HOGA1: variants seen among roughly 807,000 people sequenced by gnomAD.
HOGA1 encodes 4-hydroxy-2-oxoglutarate aldolase, mitochondrial.
HOGA1 carries 30 observed loss-of-function variants against 34.3 expected under a neutral mutation model. The observed-to-expected ratio is 0.87, with a 90% CI of 0.65 to 1.19. The LOEUF (loss-of-function observed/expected upper bound fraction) is 1.19. HOGA1 is among the 50% of genes most tolerant of loss of function. The probability of loss-of-function intolerance (pLI) is 0.00; values close to 1 mark genes in which losing one functional copy is unlikely to be tolerated. For synonymous variants in HOGA1, 161 were observed against 174.0 expected, an observed-to-expected ratio of 0.93 and a Z score of 0.59; for missense variants, 417 against 436.5, an observed-to-expected ratio of 0.96 and a Z score of 0.40.
intron 6 of HOGA1, among the ~76,000 whole-genome samples, chr10:97,611,204 G>A (rs1179981541): frequency 6.6e-6 from 1 of 152,206 alleles, no homozygotes; most frequent in Non-Finnish European, 1.5e-5. Context: ...CAGCCTTGCT[G>A]TCTTCTCCCA....
intron 5 of HOGA1, 136 bp from the exon 6 acceptor site, chr10:97,601,721 T>C: frequency 1.0e-6 from 1 of 976,516 alleles, no homozygotes; most frequent in Non-Finnish European, 1.6e-6. Flanking sequence ...TCACAGAGCA[T>C]GCCTTTGATG....
At chr10:97,605,387 G>T (rs1381790024) in intron 6 of HOGA1, among the ~76,000 whole-genome samples, 3 of 151,096 alleles carry the variant, frequency 2.0e-5, no homozygotes, top group Non-Finnish European at 4.4e-5. Flanking sequence ...CTCCAGCCTG[G>T]GCTACAGAGT....
chr10:97,590,091 G>A, intron 1 of HOGA1: 1 of 1,614,084 alleles, frequency 6.2e-7, no homozygotes, highest in Non-Finnish European at 8.5e-7. Context: ...ACTGAGAGTG[G>A]GAGTGAAGAG....
intron 6 of HOGA1, among the ~76,000 whole-genome samples, chr10:97,604,759 A>G (rs2041144557): frequency 6.6e-6 from 1 of 152,138 alleles, no homozygotes; most frequent in Non-Finnish European, 1.5e-5. Flanking sequence ...AGGCGGGCAG[A>G]TCACCTGAGG....
chr10:97,606,812 C>T (rs541409029), intron 6 of HOGA1, among the ~76,000 whole-genome samples: 2 of 152,244 alleles, frequency 1.3e-5, no homozygotes, highest in East Asian at 1.9e-4. Flanking sequence ...ATCGAAATTG[C>T]GTTAAGCCTG....
intron 1 of HOGA1, among the ~76,000 whole-genome samples, chr10:97,596,328 C>T (rs2041071176): frequency 6.6e-6 from 1 of 152,186 alleles, no homozygotes; most frequent in South Asian, 2.1e-4. Flanking sequence ...TGGAACTGAC[C>T]AGCAGGATGA....
intron 1 of HOGA1, among the ~76,000 whole-genome samples, chr10:97,587,749 G>C (rs544075721): frequency 2.9e-4 from 44 of 152,170 alleles, no homozygotes; most frequent in South Asian, 1.9e-3. Flanking sequence ...CTCACGGTCC[G>C]CCGGCCTCGG....
At chr10:97,585,015 A>G in intron 1 of HOGA1, 101 bp downstream of exon 1, 1 of 940,896 alleles carries the variant, frequency 1.1e-6, no homozygotes, top group South Asian at 1.4e-5. Context: ...GTCCAGGGAT[A>G]GTCTGGTACT....
intron 1 of HOGA1, among the ~76,000 whole-genome samples, chr10:97,597,617 T>C (rs969906301): frequency 6.6e-6 from 1 of 152,156 alleles, no homozygotes; most frequent in Non-Finnish European, 1.5e-5. Context: ...ATTTGGCATG[T>C]ATGACATTCT....
chr10:97,588,405 T>C (rs1257172858), intron 1 of HOGA1, among the ~76,000 whole-genome samples: 3 of 152,078 alleles, frequency 2.0e-5, no homozygotes, highest in Non-Finnish European at 1.5e-5. Context: ...GAGATGGGGT[T>C]TCACCGTGTT....
chr10:97,585,993 T>C (rs1400134104), intron 1 of HOGA1, among the ~76,000 whole-genome samples: 2 of 151,942 alleles, frequency 1.3e-5, no homozygotes, highest in Non-Finnish European at 2.9e-5. Context: ...AAAAATTAGC[T>C]GGGCGTGGTG....
rs1349060190 is a variant in HOGA1 at position 97,612,628 on chromosome 10, A to C, written c.*969A>C. 1 of 152,218 alleles carries C rather than the reference A, an allele frequency of 6.6e-6. No homozygotes were observed. Among genetic ancestry groups the C allele is most frequent in the Non-Finnish European group, 1.5e-5 (1 of 68,050 alleles). 9.4% of individuals were successfully genotyped at this position (152,218 alleles called of 1,614,324 possible). A position where few individuals can be genotyped will look rare whatever the true frequency, so the allele number is the denominator to read the frequency against. On this transcript the variant is annotated 3_prime_UTR_variant, in exon 7 of 7. Transcript: ENST00000370646. ...AGCCCAGTGGCTTGTCAGATTGGTA[A>C]ATAATGACACCTGGTGGATAAATGT...
chr10:97,589,201 T>A (rs1436554787), intron 1 of HOGA1, among the ~76,000 whole-genome samples: 1 of 152,030 alleles, frequency 6.6e-6, no homozygotes, highest in Admixed American at 6.6e-5. Context: ...CAGAATGAGC[T>A]CCTTCCTGGG....
chr10:97,610,757 G>A (rs2135729246), intron 6 of HOGA1, among the ~76,000 whole-genome samples: 1 of 151,886 alleles, frequency 6.6e-6, no homozygotes, highest in South Asian at 2.1e-4. Flanking sequence ...CTGAGATCAG[G>A]ACACTGCACT....
intron 4 of HOGA1, 44 bp from the exon 5 acceptor site, chr10:97,600,023 A>T (rs199604936): frequency 4.4e-4 from 694 of 1,586,658 alleles, no homozygotes; most frequent in Non-Finnish European, 5.6e-4. Context: ...CTCATCCAGG[A>T]TGAGGCTCTG....
chr10:97,606,295 T>C (rs2041157894), intron 6 of HOGA1, among the ~76,000 whole-genome samples: 1 of 151,106 alleles, frequency 6.6e-6, no homozygotes, highest in Non-Finnish European at 1.5e-5. Context: ...TGAGACTCCA[T>C]CTCAGGGAAA....
At chr10:97,606,929 A>G (rs919494947) in intron 6 of HOGA1, among the ~76,000 whole-genome samples, 13 of 152,024 alleles carry the variant, frequency 8.6e-5, no homozygotes, top group Admixed American at 8.5e-4. Flanking sequence ...TTTCTTCAGC[A>G]TTTTGTAGTT....
At chr10:97,589,397 C>T (rs2040999126) in intron 1 of HOGA1, among the ~76,000 whole-genome samples, 1 of 151,740 alleles carries the variant, frequency 6.6e-6, no homozygotes, top group African/African-American at 2.4e-5. Flanking sequence ...CATACTTTGC[C>T]CCCTGGGGGC....
chr10:97,611,928 C>T lies in HOGA1; in HGVS notation c.*269C>T. 1 of 512,300 alleles carries T rather than the reference C, an allele frequency of 2.0e-6. No homozygotes were observed. Among genetic ancestry groups the T allele is most frequent in the Non-Finnish European group, 3.5e-6 (1 of 285,160 alleles). 31.7% of individuals were successfully genotyped at this position (512,300 alleles called of 1,614,324 possible). A position where few individuals can be genotyped will look rare whatever the true frequency, so the allele number is the denominator to read the frequency against. Reference sequence around the variant, plus strand: ...AGGAGCAATTTCTCAATTTATCTTTCTACTGTGGATGCTTTCCTACGCCCT... The same window carrying T: ...AGGAGCAATTTCTCAATTTATCTTTTTACTGTGGATGCTTTCCTACGCCCT... On this transcript the variant is annotated 3_prime_UTR_variant, in exon 7 of 7. Coordinates refer to ENST00000370646, the MANE Select transcript of HOGA1 (RefSeq NM_138413.4).
Sources: gnomAD v4.1 joint callset for allele counts (sites outside exome capture counted in the v4.1 genomes callset) on GRCh38, gnomAD v4.1.1 for gene constraint, MANE v1.5 for transcripts, NCBI Gene and HGNC (gene_info 2026-07-23, HGNC 2026-07-21) for gene names.